CTNND2: variants seen among roughly 807,000 people sequenced by gnomAD.
The protein encoded by CTNND2 is catenin delta 2, also known as catenin delta-2.
A neutral mutation model predicts 144.4 loss-of-function variants in CTNND2; 22 were observed. The ratio of observed to expected loss-of-function variants is 0.15; its 90% confidence interval spans 0.11 to 0.22. The LOEUF is 0.22. CTNND2 is among the 10% of genes least tolerant of loss of function. CTNND2 has a pLI of 1.00. For synonymous variants in CTNND2, 751 were observed against 695.6 expected (o/e 1.08, Z -1.25); for missense variants, 1,353 against 1,618.8 (o/e 0.84, Z 2.82).
chr5:11,138,655 T>C (rs982163047), intron 12 of CTNND2, among the ~76,000 whole-genome samples: 1 of 152,240 alleles, frequency 6.6e-6, no homozygotes, highest in Non-Finnish European at 1.5e-5. Context: ...TAAACCTTGT[T>C]ACATCACACA....
At chr5:11,321,471 C>T (rs1263422177) in intron 9 of CTNND2, among the ~76,000 whole-genome samples, 1 of 152,150 alleles carries the variant, frequency 6.6e-6, no homozygotes, top group Non-Finnish European at 1.5e-5. Context: ...TACTGCCAAC[C>T]TTACAACCTT....
chr5:10,985,524 A>C (rs1737829208), intron 20 of CTNND2, among the ~76,000 whole-genome samples: 1 of 152,230 alleles, frequency 6.6e-6, no homozygotes, highest in South Asian at 2.1e-4. Context: ...AGCTCCATCA[A>C]AGAGATGTTT....
chr5:11,468,650 T>C (rs753938630), intron 3 of CTNND2, among the ~76,000 whole-genome samples: 14 of 152,224 alleles, frequency 9.2e-5, no homozygotes, highest in Non-Finnish European at 1.9e-4. Context: ...ACTACACTTA[T>C]TCATTTCTAG....
rs201021638 is a variant in CTNND2 at position 11,346,571 on chromosome 5, C to A, written c.1429G>T (p.Gly477Cys). 6.3e-7 allele frequency: 1 copy of A among 1,598,452 alleles called. No homozygotes were observed. The highest frequency in any genetic ancestry group is 1.1e-5 in the South Asian group (1 of 88,474). The change falls in exon 9 of 22, where the codon GGC becomes TGC. Residue 477 changes from glycine to cysteine, a missense_variant. Gly to Cys is a radical substitution (Grantham distance 159). Transcript: ENST00000304623. ...VPLQRTGSQH[G>C]PQNAAAATFQ... ...GTGGCCGCGGCGGCATTCTGTGGGCCGTGCTGGCTGCCTGTGCGCTGCAAG... is the reference window on the plus strand; with the variant it reads ...GTGGCCGCGGCGGCATTCTGTGGGCAGTGCTGGCTGCCTGTGCGCTGCAAG...
At chr5:11,132,708 T>G (rs1175294890) in intron 12 of CTNND2, among the ~76,000 whole-genome samples, 1 of 152,132 alleles carries the variant, frequency 6.6e-6, no homozygotes, top group African/African-American at 2.4e-5. Context: ...GGAAACCAAC[T>G]CCTTAATTTG....
intron 3 of CTNND2, among the ~76,000 whole-genome samples, chr5:11,545,098 G>T (rs1775101578): frequency 1.5e-5 from 2 of 135,818 alleles, no homozygotes; most frequent in Admixed American, 1.6e-4. Context: ...CTCCAGCCTG[G>T]CAACAGAGCG....
intron 3 of CTNND2, among the ~76,000 whole-genome samples, chr5:11,492,527 G>A (rs1769509184): frequency 6.6e-6 from 1 of 151,572 alleles, no homozygotes; most frequent in Non-Finnish European, 1.5e-5. Flanking sequence ...GTGTGTGTGT[G>A]TGTGTGTGTA....
At chr5:11,019,116 A>G (rs1741953156) in intron 17 of CTNND2, among the ~76,000 whole-genome samples, 1 of 152,236 alleles carries the variant, frequency 6.6e-6, no homozygotes, top group Admixed American at 6.5e-5. Flanking sequence ...TATTTCTACA[A>G]CATAAACAAA....
intron 3 of CTNND2, among the ~76,000 whole-genome samples, chr5:11,483,878 C>G (rs190646055): frequency 1.3e-5 from 2 of 152,306 alleles, no homozygotes; most frequent in Admixed American, 6.5e-5. Context: ...CCAGAATAAT[C>G]CTTTTACTGC....
chr5:11,382,921 T>C (rs772691308), intron 7 of CTNND2, among the ~76,000 whole-genome samples: 3 of 152,108 alleles, frequency 2.0e-5, no homozygotes, highest in Non-Finnish European at 2.9e-5. Flanking sequence ...CCCTGGGCCA[T>C]AGTTTGCAAC....
At chr5:11,089,369 A>T (rs1750521239) in intron 15 of CTNND2, among the ~76,000 whole-genome samples, 1 of 152,234 alleles carries the variant, frequency 6.6e-6, no homozygotes, top group Non-Finnish European at 1.5e-5. Flanking sequence ...ACTTCATTGC[A>T]AAAACAACCT....
intron 1 of CTNND2, among the ~76,000 whole-genome samples, chr5:11,849,387 G>A (rs1476653621): frequency 6.6e-6 from 1 of 151,994 alleles, no homozygotes; most frequent in Non-Finnish European, 1.5e-5. Flanking sequence ...GACAGAAAGA[G>A]AAAAAAATGA....
intron 1 of CTNND2, among the ~76,000 whole-genome samples, chr5:11,838,289 C>T (rs1343941849): frequency 6.6e-6 from 1 of 152,106 alleles, no homozygotes; most frequent in Non-Finnish European, 1.5e-5. Flanking sequence ...TCTTTTCCTC[C>T]CAGCTCTGCG....
At chr5:10,982,366 C>A (rs1013446774) in intron 20 of CTNND2, among the ~76,000 whole-genome samples, 5 of 152,240 alleles carry the variant, frequency 3.3e-5, no homozygotes, top group African/African-American at 9.6e-5. Context: ...TGGAAGCCTG[C>A]GGCTTTGGAA....
At chr5:11,052,595 T>C (rs565025344) in intron 16 of CTNND2, among the ~76,000 whole-genome samples, 1 of 152,240 alleles carries the variant, frequency 6.6e-6, no homozygotes, top group East Asian at 1.9e-4. Context: ...CATTGGGAGA[T>C]TCACCTTAAA....
rs578161827 is a variant in CTNND2, at chr5:11,269,748, C to T, written c.1629-32925G>A. ...TTCCTCTCCAGACTTGTACTTTGGA[C>T]CCCTGCAGAATGATTTTTACAGGAG... On this transcript the variant is annotated intron_variant, in intron 9 of 21. Coordinates refer to ENST00000304623, the MANE Select transcript of CTNND2 (RefSeq NM_001332.4). Among the ~76,000 whole-genome samples, 3 of 152,256 alleles carry T rather than the reference C, an allele frequency of 2.0e-5. No homozygotes were observed. The East Asian group carries it at 5.8e-4, about 29-fold the overall frequency.
At chr5:11,877,991 A>T (rs1484585049) in intron 1 of CTNND2, among the ~76,000 whole-genome samples, 1 of 152,150 alleles carries the variant, frequency 6.6e-6, no homozygotes, top group Non-Finnish European at 1.5e-5. Context: ...AGAAACAAAT[A>T]AATATATCTT....
intron 2 of CTNND2, among the ~76,000 whole-genome samples, chr5:11,664,962 C>T (rs1157335391): frequency 2.0e-5 from 3 of 152,122 alleles, no homozygotes; most frequent in Non-Finnish European, 4.4e-5. Context: ...AGGAATGCCT[C>T]CCCGGAATGA....
chr5:10,999,267 G>C (rs116313801), intron 18 of CTNND2, among the ~76,000 whole-genome samples: 10,287 of 152,222 alleles, frequency 0.068, 386 homozygotes, highest in East Asian at 0.11. Context: ...CACTCAGAAT[G>C]GCTTGGAGGT....
Sources: gnomAD v4.1 joint callset for allele counts (sites outside exome capture counted in the v4.1 genomes callset) on GRCh38, gnomAD v4.1.1 for gene constraint, MANE v1.5 for transcripts, NCBI Gene and HGNC (gene_info 2026-07-23, HGNC 2026-07-21) for gene names.